Variants in UNC5C observed in about 807,000 individuals in gnomAD.
UNC5C encodes the protein unc-5 netrin receptor C.
UNC5C carries 47 observed loss-of-function variants against 99.8 expected under a neutral mutation model. The observed-to-expected ratio is 0.47, with a 90% CI of 0.37 to 0.60. The LOEUF (loss-of-function observed/expected upper bound fraction) is 0.60. Among genes scored for constraint, UNC5C ranks in the 20% least tolerant of loss-of-function variants. The pLI is 0.00. For missense variants in UNC5C, 1,062 were observed against 1,165.9 expected (o/e 0.91, Z 1.30); for synonymous variants, 487 against 452.2 (o/e 1.08, Z -0.98).
At chr4:95,207,698 T>C (rs1026865584) in intron 10 of UNC5C, among the ~76,000 whole-genome samples, 2 of 152,136 alleles carry the variant, frequency 1.3e-5, no homozygotes, top group Non-Finnish European at 2.9e-5. Context: ...ACTCACAGAA[T>C]TTTAGAAGGG....
intron 1 of UNC5C, among the ~76,000 whole-genome samples, chr4:95,371,879 G>A (rs1744759023): frequency 6.6e-6 from 1 of 151,918 alleles, no homozygotes; most frequent in Non-Finnish European, 1.5e-5. Flanking sequence ...ACTAACTTTG[G>A]CAATTTATTT....
intron 1 of UNC5C, among the ~76,000 whole-genome samples, chr4:95,339,329 T>C (rs1743468328): frequency 6.6e-6 from 1 of 151,930 alleles, no homozygotes; most frequent in Non-Finnish European, 1.5e-5. Context: ...CATGCTAAAA[T>C]TTTTACTTTT....
chr4:95,400,844 G>A (rs1560819801), intron 1 of UNC5C, among the ~76,000 whole-genome samples: 1 of 152,144 alleles, frequency 6.6e-6, no homozygotes, highest in African/African-American at 2.4e-5. Flanking sequence ...AGCCCTGCCT[G>A]GTCACGTAAT....
intron 1 of UNC5C, among the ~76,000 whole-genome samples, chr4:95,489,957 G>C (rs1047189593): frequency 1.3e-5 from 2 of 151,546 alleles, no homozygotes; most frequent in Admixed American, 1.3e-4. Context: ...TTCAGTCCAT[G>C]GAACTTAATG....
intron 2 of UNC5C, among the ~76,000 whole-genome samples, chr4:95,303,254 G>C (rs1465418886): frequency 6.6e-6 from 1 of 152,196 alleles, no homozygotes; most frequent in Non-Finnish European, 1.5e-5. Flanking sequence ...ACATTCTCAG[G>C]CTCCATGCCA....
intron 3 of UNC5C, among the ~76,000 whole-genome samples, 183 bp from the exon 4 acceptor site, chr4:95,278,545 G>T (rs1014837513): frequency 4.6e-5 from 7 of 151,534 alleles, no homozygotes; most frequent in Non-Finnish European, 1.0e-4. Context: ...TGTGATCACA[G>T]CTCACTGTAG....
At chr4:95,380,791 T>C (rs930745087) in intron 1 of UNC5C, among the ~76,000 whole-genome samples, 1 of 152,212 alleles carries the variant, frequency 6.6e-6, no homozygotes, top group Non-Finnish European at 1.5e-5. Context: ...CTCTAATTTC[T>C]ATGATTAAGC....
chr4:95,297,335 T>A (rs1741700762), intron 3 of UNC5C, among the ~76,000 whole-genome samples: 1 of 152,176 alleles, frequency 6.6e-6, no homozygotes. Flanking sequence ...AGATTCCACT[T>A]AAGACAAAGA....
intron 10 of UNC5C, among the ~76,000 whole-genome samples, chr4:95,210,568 C>T (rs1738042862): frequency 6.6e-6 from 1 of 152,090 alleles, no homozygotes. Flanking sequence ...GTTTTCTAAG[C>T]AATTCAAGCA....
chr4:95,447,752 C>T (rs549327112), intron 1 of UNC5C, among the ~76,000 whole-genome samples: 12 of 152,294 alleles, frequency 7.9e-5, no homozygotes, highest in East Asian at 5.8e-4. Flanking sequence ...CTGCCTGCCA[C>T]GGCTTCCAAA....
chr4:95,205,027 T>C (rs1480210910), intron 11 of UNC5C, among the ~76,000 whole-genome samples: 1 of 152,132 alleles, frequency 6.6e-6, no homozygotes, highest in Admixed American at 6.5e-5. Flanking sequence ...GGAAAGCAGC[T>C]GCTTTCTCCA....
In UNC5C at chr4:95,470,454, A is replaced by G. The variant is rs547834327; in HGVS notation, c.124+78280T>C. On this transcript the variant is annotated intron_variant, in intron 1 of 15. Coordinates refer to ENST00000453304, the MANE Select transcript of UNC5C (RefSeq NM_003728.4). ...ACAGAGAATGGACGGCACCATGAGT[A>G]TACAACATCTGGGAAGGAGATAGGG... Among the ~76,000 whole-genome samples the G allele has an allele frequency of 1.1e-4, 17 of 152,214 alleles. No individual in the cohort carries two copies. In the East Asian group the frequency reaches 3.1e-3, roughly 28 times the overall value.
chr4:95,510,141 A>T (rs1722031610), intron 1 of UNC5C, among the ~76,000 whole-genome samples: 3 of 152,012 alleles, frequency 2.0e-5, no homozygotes, highest in Admixed American at 2.0e-4. Context: ...TTTTATTTCT[A>T]GTTTTCCAAA....
intron 1 of UNC5C, among the ~76,000 whole-genome samples, chr4:95,351,857 C>T (rs1306400403): frequency 6.6e-6 from 1 of 152,040 alleles, no homozygotes; most frequent in Non-Finnish European, 1.5e-5. Flanking sequence ...ATACAGTGCC[C>T]CTTCAACCTC....
intron 10 of UNC5C, among the ~76,000 whole-genome samples, chr4:95,213,291 G>A (rs535650149): frequency 9.8e-5 from 15 of 152,304 alleles, no homozygotes; most frequent in African/African-American, 3.4e-4. Flanking sequence ...AGTCTAGGTC[G>A]GGTTCATTTG....
chr4:95,547,976 G>C lies in UNC5C; in HGVS notation c.124+758C>G, dbSNP rs1357503283. 2.0e-5 allele frequency among the ~76,000 whole-genome samples: 3 copies of C among 152,198 alleles called. No homozygotes were observed. The East Asian group carries it at 5.8e-4, about 29-fold the overall frequency. Reference sequence around the variant, plus strand: ...AAAATGTCAGAGTTATAAACTGGTCGACTACCCCGGGGAGTTTCGGATTTG... The same window carrying C: ...AAAATGTCAGAGTTATAAACTGGTCCACTACCCCGGGGAGTTTCGGATTTG... On this transcript the variant is annotated intron_variant, in intron 1 of 15. Coordinates refer to ENST00000453304, the MANE Select transcript of UNC5C (RefSeq NM_003728.4).
intron 1 of UNC5C, among the ~76,000 whole-genome samples, chr4:95,511,332 T>C (rs968908019): frequency 6.6e-6 from 1 of 152,154 alleles, no homozygotes; most frequent in East Asian, 1.9e-4. Context: ...AGGATCAAAG[T>C]GTTAATATCA....
rs1288827041 is a variant in UNC5C at position 95,166,242 on chromosome 4, G to C, written c.*2992C>G. 6.6e-6 allele frequency: 1 copy of C among 152,216 alleles called. No homozygotes were observed. Among genetic ancestry groups the C allele is most frequent in the Non-Finnish European group, 1.5e-5 (1 of 68,044 alleles). The allele number at this position is 152,216 out of a possible 1,614,324, so 9.4% of individuals were successfully genotyped here. On this transcript the variant is annotated 3_prime_UTR_variant, in exon 16 of 16. Coordinates refer to ENST00000453304, the MANE Select transcript of UNC5C (RefSeq NM_003728.4). ...AATGGTTGATGAAGTGGCTTCCTAT[G>C]AAATGAACTGTTATATCTGGACCTT...
chr4:95,515,760 T>TCAATTTTGGCACACAAACAA (rs1722196975), intron 1 of UNC5C, among the ~76,000 whole-genome samples: 1 of 152,138 alleles, frequency 6.6e-6, no homozygotes, highest in African/African-American at 2.4e-5. Context: ...AAAACGAAGG[T>TCAATTTTGGCACACAAACAA]CAATTTTGGC....
Sources: allele counts gnomAD v4.1 joint callset (sites outside exome capture counted in the v4.1 genomes callset), GRCh38; gene constraint gnomAD v4.1.1; transcripts MANE v1.5; gene names NCBI Gene and HGNC (gene_info 2026-07-23, HGNC 2026-07-21).